The following ADAMTSL1 variants were observed in gnomAD, a reference collection of about 807,000 sequenced individuals.
ADAMTSL1 encodes ADAMTS like 1.
A neutral mutation model predicts 201.8 loss-of-function variants in ADAMTSL1; 126 were observed. That is an observed-to-expected ratio of 0.62 (90% CI 0.54 to 0.72). ADAMTSL1 has a LOEUF of 0.72. Among genes scored for constraint, ADAMTSL1 ranks in the 30% least tolerant of loss-of-function variants. The pLI is 0.00. For missense variants in ADAMTSL1, 2,679 were observed against 2,277.8 expected (o/e 1.18, Z -3.59); for synonymous variants, 1,121 against 903.4 (o/e 1.24, Z -4.32).
chr9:18,053,448 C>G (rs966227989), intron 1 of ADAMTSL1, among the ~76,000 whole-genome samples: 1 of 152,218 alleles, frequency 6.6e-6, no homozygotes, highest in Non-Finnish European at 1.5e-5. Flanking sequence ...AAAATTGGTT[C>G]AGTATGTTTC....
At chr9:18,327,980 A>G (rs1834892434) in intron 2 of ADAMTSL1, among the ~76,000 whole-genome samples, 2 of 152,206 alleles carry the variant, frequency 1.3e-5, no homozygotes, top group South Asian at 4.1e-4. Context: ...AAAGTAACAT[A>G]TACTCTATTG....
chr9:18,630,616 A>G (rs1826698825), intron 5 of ADAMTSL1, among the ~76,000 whole-genome samples: 1 of 150,858 alleles, frequency 6.6e-6, no homozygotes. Flanking sequence ...AGCTGGGGCA[A>G]TGTTGGGCCT....
At chr9:18,106,803 A>G (rs1252150100) in intron 1 of ADAMTSL1, among the ~76,000 whole-genome samples, 11 of 152,196 alleles carry the variant, frequency 7.2e-5, no homozygotes, top group Admixed American at 7.2e-4. Context: ...CATCTTTTAG[A>G]TGAGGTTCTA....
At chr9:18,705,834 C>T (rs1262034402) in intron 13 of ADAMTSL1, among the ~76,000 whole-genome samples, 1 of 152,132 alleles carries the variant, frequency 6.6e-6, no homozygotes, top group Non-Finnish European at 1.5e-5. Flanking sequence ...TCTCCAAGGG[C>T]TTATTTTGTT....
chr9:17,942,767 C>T (rs1827293391), intron 1 of ADAMTSL1, among the ~76,000 whole-genome samples: 1 of 152,182 alleles, frequency 6.6e-6, no homozygotes, highest in Non-Finnish European at 1.5e-5. Context: ...ACCTGCTTTT[C>T]TGGCTGCCAC....
chr9:18,819,607 C>G (rs576133302), intron 21 of ADAMTSL1, among the ~76,000 whole-genome samples: 67 of 152,304 alleles, frequency 4.4e-4, no homozygotes, highest in African/African-American at 1.5e-3. Flanking sequence ...ATTGTGCCGC[C>G]TAGGGCCCTC....
intron 1 of ADAMTSL1, among the ~76,000 whole-genome samples, chr9:18,148,286 G>A (rs1440929565): frequency 6.7e-6 from 1 of 150,192 alleles, no homozygotes; most frequent in African/African-American, 2.4e-5. Flanking sequence ...TTCAGTTTGA[G>A]TTTGAAAAAG....
intron 1 of ADAMTSL1, among the ~76,000 whole-genome samples, chr9:17,925,368 T>G (rs1563898703): frequency 8.4e-6 from 1 of 119,092 alleles, no homozygotes; most frequent in Non-Finnish European, 1.8e-5. Context: ...TATACCCATA[T>G]GACTATAAAT....
At chr9:18,243,551 G>T (rs1026284073) in intron 2 of ADAMTSL1, among the ~76,000 whole-genome samples, 1 of 151,834 alleles carries the variant, frequency 6.6e-6, no homozygotes, top group Non-Finnish European at 1.5e-5. Flanking sequence ...TACTCTGCTT[G>T]CTTTGTTTTT....
At chr9:18,291,931 C>G (rs1025377697) in intron 2 of ADAMTSL1, among the ~76,000 whole-genome samples, 1 of 152,032 alleles carries the variant, frequency 6.6e-6, no homozygotes, top group African/African-American at 2.4e-5. Context: ...GTTGTTCATG[C>G]AACATCTCAT....
At chr9:18,331,897 G>A (rs76092106) in intron 2 of ADAMTSL1, among the ~76,000 whole-genome samples, 2,601 of 152,200 alleles carry the variant, frequency 0.017, 65 homozygotes, top group African/African-American at 0.058. Flanking sequence ...TTATATTTTA[G>A]CCACTGAGAC....
At chr9:18,405,584 A>C (rs2133285650) in intron 2 of ADAMTSL1, among the ~76,000 whole-genome samples, 1 of 151,708 alleles carries the variant, frequency 6.6e-6, no homozygotes, top group Admixed American at 6.6e-5. Flanking sequence ...TGTTCCTGCA[A>C]GTTTTCTCTT....
intron 2 of ADAMTSL1, among the ~76,000 whole-genome samples, chr9:18,330,486 C>T (rs1359945773): frequency 1.3e-5 from 2 of 152,024 alleles, no homozygotes; most frequent in African/African-American, 2.4e-5. Context: ...CATCCTATTC[C>T]CTCAGGGTCT....
chr9:18,229,224 A>T (rs890380225), intron 2 of ADAMTSL1, among the ~76,000 whole-genome samples: 3 of 152,168 alleles, frequency 2.0e-5, no homozygotes, highest in African/African-American at 7.2e-5. Flanking sequence ...GTTTAAGAGG[A>T]ACATAGTCAA....
At chr9:18,287,624 C>CT (rs1554650456) in intron 2 of ADAMTSL1, among the ~76,000 whole-genome samples, 5 of 148,106 alleles carry the variant, frequency 3.4e-5, no homozygotes, top group Admixed American at 2.7e-4. Context: ...TATGTGTATA[C>CT]ATATACGCAT....
At chr9:18,681,699 G>GTGGGGT in intron 11 of ADAMTSL1, 113 bp from the exon 12 acceptor site, 2 of 287,436 alleles carry the variant, frequency 7.0e-6, no homozygotes, top group African/African-American at 6.0e-5. Context: ...TCCTCGTGTG[G>GTGGGGT]GGGGGGGGGG....
At chr9:18,894,767 C>T (rs888999498) in intron 26 of ADAMTSL1, among the ~76,000 whole-genome samples, 1 of 152,050 alleles carries the variant, frequency 6.6e-6, no homozygotes, top group South Asian at 2.1e-4. Flanking sequence ...ATTTGAAAGT[C>T]ATTAGTATAC....
intron 2 of ADAMTSL1, among the ~76,000 whole-genome samples, chr9:18,451,251 A>T (rs1705898041): frequency 6.6e-6 from 1 of 152,198 alleles, no homozygotes; most frequent in Admixed American, 6.5e-5. Context: ...ACCTCCATGC[A>T]TACCTCAATG....
At chr9:18,898,512 G>GGACT (rs1454078434) in intron 26 of ADAMTSL1, among the ~76,000 whole-genome samples, 2 of 152,206 alleles carry the variant, frequency 1.3e-5, no homozygotes, top group African/African-American at 2.4e-5. Flanking sequence ...GAGAAATATG[G>GGACT]GACTATGTAA....
Sources: gnomAD v4.1 joint callset for allele counts (sites outside exome capture counted in the v4.1 genomes callset) on GRCh38, gnomAD v4.1.1 for gene constraint, MANE v1.5 for transcripts, NCBI Gene and HGNC (gene_info 2026-07-23, HGNC 2026-07-21) for gene names.